RNF150: variants seen among roughly 807,000 people sequenced by gnomAD.
RNF150 encodes ring finger protein 150.
Under a neutral mutation model 39.3 loss-of-function variants are expected in RNF150, and 24 were observed. That is an observed-to-expected ratio of 0.61 (90% CI 0.44 to 0.86). RNF150 has a LOEUF of 0.86. Among genes scored for constraint, RNF150 ranks in the 40% least tolerant of loss-of-function variants. The pLI is 0.00. For missense variants in RNF150, 502 were observed against 587.8 expected (o/e 0.85, Z 1.51); for synonymous variants, 255 against 227.3 (o/e 1.12, Z -1.10).
chr4:141,107,314 T>C (rs1224165731), intron 1 of RNF150, among the ~76,000 whole-genome samples: 1 of 152,232 alleles, frequency 6.6e-6, no homozygotes, highest in Non-Finnish European at 1.5e-5. Context: ...ATGCTTCATA[T>C]ACATAACCCA....
intron 6 of RNF150, among the ~76,000 whole-genome samples, chr4:140,887,092 A>G (rs528195977): frequency 2.6e-5 from 4 of 152,306 alleles, no homozygotes; most frequent in African/African-American, 9.6e-5. Flanking sequence ...GTGTAACTCA[A>G]TACAGGCAAT....
chr4:140,982,516 T>C (rs1267732506), intron 1 of RNF150, among the ~76,000 whole-genome samples: 1 of 40,016 alleles, frequency 2.5e-5, no homozygotes, highest in Non-Finnish European at 1.3e-4. Context: ...TAGCACAGAC[T>C]TTTTTTTTTT....
intron 1 of RNF150, among the ~76,000 whole-genome samples, chr4:141,120,994 CAGTT>C (rs149616052): frequency 0.68 from 103,383 of 151,622 alleles, 37,255 homozygotes; most frequent in East Asian, 0.88. Context: ...AGCTTGGACT[CAGTT>C]GGTGACAACA....
At chr4:141,035,674 G>A (rs1316280895) in intron 1 of RNF150, among the ~76,000 whole-genome samples, 1 of 152,060 alleles carries the variant, frequency 6.6e-6, no homozygotes, top group Non-Finnish European at 1.5e-5. Flanking sequence ...GTGAGTCTAA[G>A]TCCACACAAT....
chr4:141,124,685 A>G (rs1278610167), intron 1 of RNF150, among the ~76,000 whole-genome samples: 1 of 152,126 alleles, frequency 6.6e-6, no homozygotes, highest in East Asian at 1.9e-4. Context: ...AAAAACCTCC[A>G]ATCTTTGCAT....
At chr4:140,999,209 T>C (rs894458690) in intron 1 of RNF150, among the ~76,000 whole-genome samples, 1 of 152,206 alleles carries the variant, frequency 6.6e-6, no homozygotes, top group African/African-American at 2.4e-5. Flanking sequence ...CCTGTTGTTA[T>C]TAAAGGGAGA....
At chr4:141,163,744 A>T (rs565389692) in intron 1 of RNF150, among the ~76,000 whole-genome samples, 1 of 152,372 alleles carries the variant, frequency 6.6e-6, no homozygotes, top group South Asian at 2.1e-4. Context: ...TAACAAAGAG[A>T]AAACAATAGC....
chr4:141,038,474 G>C (rs1376455585), intron 1 of RNF150, among the ~76,000 whole-genome samples: 1 of 152,124 alleles, frequency 6.6e-6, no homozygotes. Context: ...AGGATCACTT[G>C]AATCTAAGAG....
chr4:141,109,899 T>C (rs1739331894), intron 1 of RNF150, among the ~76,000 whole-genome samples: 1 of 152,166 alleles, frequency 6.6e-6, no homozygotes, highest in Admixed American at 6.6e-5. Context: ...AATTTAGGTC[T>C]CCAAACATAG....
At chr4:141,180,278 G>T (rs544091230) in intron 1 of RNF150, among the ~76,000 whole-genome samples, 1 of 152,076 alleles carries the variant, frequency 6.6e-6, no homozygotes, top group Admixed American at 6.5e-5. Flanking sequence ...TTCAGATAGC[G>T]GAAGAAGCAA....
chr4:141,092,790 T>C (rs779592110), intron 1 of RNF150, among the ~76,000 whole-genome samples: 2 of 151,586 alleles, frequency 1.3e-5, no homozygotes, highest in African/African-American at 4.9e-5. Context: ...CTATTGTAAA[T>C]AGGTAAATAC....
At chr4:141,006,716 T>TA (rs1221268243) in intron 1 of RNF150, among the ~76,000 whole-genome samples, 1 of 152,226 alleles carries the variant, frequency 6.6e-6, no homozygotes, top group African/African-American at 2.4e-5. Flanking sequence ...AGAGTCTACT[T>TA]AAATAGCATG....
chr4:141,186,067 C>A (rs60887832), intron 1 of RNF150, among the ~76,000 whole-genome samples: 4,953 of 152,230 alleles, frequency 0.033, 273 homozygotes, highest in African/African-American at 0.11. Flanking sequence ...GGGAGGAATC[C>A]CTCTTTTTCT....
intron 2 of RNF150, among the ~76,000 whole-genome samples, chr4:140,962,056 C>CTCTCTCTCT (rs149748420): frequency 0.064 from 7,568 of 118,356 alleles, 286 homozygotes; most frequent in African/African-American, 0.11. Context: ...TAACATCTCT[C>CTCTCTCTCT]TCTCTCTCTT....
At chr4:140,955,075 A>G (rs962368117) in intron 2 of RNF150, among the ~76,000 whole-genome samples, 5 of 152,196 alleles carry the variant, frequency 3.3e-5, no homozygotes, top group African/African-American at 1.2e-4. Context: ...CCAGTTGTCT[A>G]AAACCTCACA....
chr4:141,044,771 G>GCACACACACACACACACA (rs71584391), intron 1 of RNF150, among the ~76,000 whole-genome samples: 2,611 of 146,540 alleles, frequency 0.018, 75 homozygotes, highest in African/African-American at 0.063. Context: ...GGTGTGCAGC[G>GCACACACACACACACACA]CACACACACA....
chr4:140,922,031 T>G (rs1731176329), intron 5 of RNF150, among the ~76,000 whole-genome samples: 1 of 102,304 alleles, frequency 9.8e-6, no homozygotes, highest in African/African-American at 3.4e-5. Context: ...GGGCAAAAAC[T>G]GGAAGCATTC....
intron 1 of RNF150, among the ~76,000 whole-genome samples, chr4:141,204,225 A>G (rs1350668808): frequency 2.0e-5 from 3 of 152,156 alleles, no homozygotes; most frequent in Admixed American, 2.0e-4. Context: ...CAGGGATGAG[A>G]ACCAGCAATA....
chr4:140,956,240 G>T (rs1732748322), intron 2 of RNF150, among the ~76,000 whole-genome samples: 1 of 152,144 alleles, frequency 6.6e-6, no homozygotes, highest in African/African-American at 2.4e-5. Context: ...AGGGATACCT[G>T]CCATGGCCAT....
Sources: gnomAD v4.1 joint callset for allele counts (sites outside exome capture counted in the v4.1 genomes callset) on GRCh38, gnomAD v4.1.1 for gene constraint, MANE v1.5 for transcripts, NCBI Gene and HGNC (gene_info 2026-07-23, HGNC 2026-07-21) for gene names.